The following UPK3A variants were observed in gnomAD, a reference collection of about 807,000 sequenced individuals.
The protein encoded by UPK3A is uroplakin 3A, also known as uroplakin-3a.
A neutral mutation model predicts 27.6 loss-of-function variants in UPK3A; 32 were observed. The observed-to-expected ratio is 1.16, with a 90% CI of 0.87 to 1.55. The LOEUF is 1.55. Ranked by LOEUF, UPK3A falls within the 40% of genes most tolerant of loss-of-function variation. UPK3A has a pLI of 0.00. For synonymous variants in UPK3A, 171 were observed against 163.9 expected (o/e 1.04, Z -0.33); for missense variants, 370 against 367.9 (o/e 1.01, Z -0.05).
Position 45,285,919 on chromosome 22 carries a change from C to G in UPK3A, c.53-22C>G, listed in dbSNP as rs746798544. 9 of 1,613,428 alleles carry G rather than the reference C, an allele frequency of 5.6e-6. No homozygotes were observed. The East Asian group carries it at 1.3e-4, about 24-fold the overall frequency. On this transcript the variant is annotated intron_variant, in intron 1 of 5. Coordinates refer to ENST00000216211, the MANE Select transcript of UPK3A (RefSeq NM_006953.4). ...GGACAGTTCTGCCGGAGGTCAGTTC[C>G]CATCCTCACTGCCTCCTCCAGCTGT...
At chr22:45,288,597 T>A (rs1167313657) in intron 3 of UPK3A, among the ~76,000 whole-genome samples, 1 of 152,196 alleles carries the variant, frequency 6.6e-6, no homozygotes, top group East Asian at 1.9e-4. Flanking sequence ...CCTCCCAAAC[T>A]GTTGGGATTA....
In UPK3A at chr22:45,285,890, G is replaced by T. The variant is rs141446172; in HGVS notation, c.53-51G>T. The T allele has an allele frequency of 3.5e-4, 567 of 1,611,790 alleles. 5 individuals are homozygous for T. In the East Asian group the frequency reaches 0.01, roughly 29 times the overall value. ...TGCTCAGTAACTGCAAGCAGAGTGG[G>T]TGTGGACAGTTCTGCCGGAGGTCAG... On this transcript the variant is annotated intron_variant, in intron 1 of 5. Transcript: ENST00000216211.
chr22:45,293,321 C>A lies in UPK3A; in HGVS notation c.704+8C>A, dbSNP rs112177270. Reference sequence around the variant, plus strand: ...CATTGCCCTCAGCCTCGTGTAAGTACCTGCCTGCTGGGAGGGCTGGACCCC... The same window carrying A: ...CATTGCCCTCAGCCTCGTGTAAGTAACTGCCTGCTGGGAGGGCTGGACCCC... On this transcript the variant is annotated splice_region_variant and intron_variant, in intron 5 of 5. Transcript: ENST00000216211. 3.9e-4 allele frequency: 624 copies of A among 1,613,684 alleles called. 4 individuals are homozygous for A. The highest frequency in any genetic ancestry group is 2.0e-3 in the Middle Eastern group (12 of 6,062).
At chr22:45,288,074 C>A (rs2084132057) in intron 3 of UPK3A, among the ~76,000 whole-genome samples, 1 of 152,194 alleles carries the variant, frequency 6.6e-6, no homozygotes, top group Non-Finnish European at 1.5e-5. Context: ...AAGTCACCCA[C>A]CCAAACCCCT....
At chr22:45,293,100 G>A (rs1413546401) in intron 4 of UPK3A, 81 bp from the exon 5 acceptor site, 3 of 1,591,736 alleles carry the variant, frequency 1.9e-6, no homozygotes, top group East Asian at 4.6e-5. Flanking sequence ...AGCCAGGGCG[G>A]GGGAGACACC....
At chr22:45,289,479 A>G (rs1422941504) in intron 4 of UPK3A, among the ~76,000 whole-genome samples, 3 of 151,270 alleles carry the variant, frequency 2.0e-5, no homozygotes, top group Non-Finnish European at 4.4e-5. Flanking sequence ...TCGGGAGGCT[A>G]AGGCGGGAGA....
intron 4 of UPK3A, among the ~76,000 whole-genome samples, chr22:45,291,512 G>A (rs1279547373): frequency 3.3e-5 from 5 of 151,284 alleles, no homozygotes; most frequent in Non-Finnish European, 1.5e-5. Context: ...GTGAGAGTGT[G>A]TGTGTGAGTT....
chr22:45,287,996 C>T (rs994503777), intron 3 of UPK3A, among the ~76,000 whole-genome samples: 1 of 152,006 alleles, frequency 6.6e-6, no homozygotes, highest in African/African-American at 2.4e-5. Flanking sequence ...TGAACAAGGG[C>T]CCACATTTTC....
At position 45,295,837 on chromosome 22, in the gene UPK3A, G is replaced by A. The variant is rs2084191900; in HGVS notation, c.*118G>A. On this transcript the variant is annotated 3_prime_UTR_variant, in exon 6 of 6. Transcript: ENST00000216211. ...TGAAACAGGGCTTGTCCCTCCAACT[G>A]CAGGAAAACCCTTAATAAAATCTTC... 2.5e-6 allele frequency: 3 copies of A among 1,212,506 alleles called. No homozygotes were observed. Among genetic ancestry groups the A allele is most frequent in the Non-Finnish European group, 3.5e-6 (3 of 846,708 alleles). 75.1% of individuals were successfully genotyped at this position (1,212,506 alleles called of 1,614,324 possible). A position where few individuals can be genotyped will look rare whatever the true frequency, so the allele number is the denominator to read the frequency against.
chr22:45,289,009 G>T, intron 3 of UPK3A, 52 bp from the exon 4 acceptor site: 1 of 1,576,192 alleles, frequency 6.3e-7, no homozygotes. Flanking sequence ...GCCTCCCTGT[G>T]GGTGGGGCTC....
intron 3 of UPK3A, 137 bp downstream of exon 3, chr22:45,287,588 C>A: frequency 8.9e-7 from 1 of 1,119,398 alleles, no homozygotes; most frequent in Admixed American, 2.1e-5. Context: ...AGGCAGGCCA[C>A]GCTGAGCCTC....
At chr22:45,288,995 CA>C in intron 3 of UPK3A, 65 bp from the exon 4 acceptor site, 2 of 1,534,860 alleles carry the variant, frequency 1.3e-6, no homozygotes, top group Non-Finnish European at 9.0e-7. Flanking sequence ...TACATCCCCC[CA>C]CCGCCTCCCT....
In UPK3A at chr22:45,295,820, G is replaced by A; in HGVS notation, c.*101G>A. The A allele has an allele frequency of 1.4e-6, 2 of 1,426,740 alleles. No individual in the cohort carries two copies. Among genetic ancestry groups the A allele is most frequent in the Admixed American group, 1.8e-5 (1 of 56,080 alleles). The allele number at this position is 1,426,740 out of a possible 1,614,324, so 88.4% of individuals were successfully genotyped here. On this transcript the variant is annotated 3_prime_UTR_variant, in exon 6 of 6. Coordinates refer to ENST00000216211, the MANE Select transcript of UPK3A (RefSeq NM_006953.4). ...CCTGACTTCAGGGAAGGTGAAACAG[G>A]GCTTGTCCCTCCAACTGCAGGAAAA...
chr22:45,295,662 G>A lies in UPK3A; in HGVS notation c.807G>A (p.Val269=). The stretch of plus-strand genomic sequence containing the variant: ...CCTCGGAGTCTTCCTACACGTCCGT[G>A]AACCGGGGGCCGCCACTGGACAGGG... ...LGASESSYTS[V]NRGPPLDRAE... Residue 269 remains valine (V), a synonymous_variant, in exon 6 of 6, where the codon GTG becomes GTA. Coordinates refer to ENST00000216211, the MANE Select transcript of UPK3A (RefSeq NM_006953.4). 1 of 1,613,892 alleles carries A rather than the reference G, an allele frequency of 6.2e-7. No homozygotes were observed. Among genetic ancestry groups the A allele is most frequent in the Non-Finnish European group, 8.5e-7 (1 of 1,180,002 alleles).
Position 45,287,173 on chromosome 22 carries a change from C to A in UPK3A, c.210C>A (p.Ala70=), listed in dbSNP as rs1272485434. 6.2e-7 allele frequency: 1 copy of A among 1,614,104 alleles called. No individual in the cohort carries two copies. Among genetic ancestry groups the A allele is most frequent in the Admixed American group, 1.7e-5 (1 of 60,022 alleles). ...EVYLYVLVDS[A]ISRNASVQDS... ...TGACTCCCTGCACCGCCTCTGCAGC[C>A]ATTTCCAGGAATGCCTCAGTGCAAG... Residue 70 remains alanine (A), a splice_region_variant and synonymous_variant, in exon 3 of 6, where the codon GCC becomes GCA. Transcript: ENST00000216211.
chr22:45,285,053 C>CG lies in UPK3A; in HGVS notation c.42dup (p.Phe15ValfsTer36). The CG allele has an allele frequency of 6.5e-6, 10 of 1,536,312 alleles. No homozygotes were observed. Among genetic ancestry groups the CG allele is most frequent in the East Asian group, 2.4e-5 (1 of 41,072 alleles). Reference sequence around the variant, plus strand: ...GGCCCTGCTGGCCCTCGGCTGCCTGCGGTTCGGCTCGGGTAGGCGGTGAAG... The same window carrying CG: ...GGCCCTGCTGGCCCTCGGCTGCCTGCGGGTTCGGCTCGGGTAGGCGGTGAAG... On this transcript the variant is annotated frameshift_variant, in exon 1 of 6. Coordinates refer to ENST00000216211, the MANE Select transcript of UPK3A (RefSeq NM_006953.4). LOFTEE classifies it high-confidence loss of function.
In UPK3A at chr22:45,289,175, C is replaced by T. The variant is rs538390244; in HGVS notation, c.571+32C>T. 5 of 1,610,044 alleles carry T rather than the reference C, an allele frequency of 3.1e-6. 1 individual carries two copies. In the South Asian group the frequency reaches 4.4e-5, roughly 14 times the overall value. ...GGTGGGCAGTGGTGGTGGTGATGCT[C>T]AAGGGGACCCGAGAAGGCGGGGCCA... On this transcript the variant is annotated intron_variant, in intron 4 of 5. Transcript: ENST00000216211.
At position 45,290,828 on chromosome 22, in the gene UPK3A, C is replaced by T. The variant is rs1006781191; in HGVS notation, c.571+1685C>T. On this transcript the variant is annotated intron_variant, in intron 4 of 5. Transcript: ENST00000216211. The stretch of plus-strand genomic sequence containing the variant: ...GATCAGCAGTGGCATTAGAGTGTCA[C>T]GGGAGCGCGAACCCTGTTGTGAACT... 9.2e-5 allele frequency among the ~76,000 whole-genome samples: 14 copies of T among 152,246 alleles called. No homozygotes were observed. The South Asian group carries it at 1.2e-3, about 14-fold the overall frequency.
chr22:45,287,520 C>T (rs2084128092), intron 3 of UPK3A, 69 bp downstream of exon 3: 2 of 1,533,190 alleles, frequency 1.3e-6, no homozygotes, highest in Non-Finnish European at 1.8e-6. Context: ...AGAGCAGGGG[C>T]AAAGTAGGAG....
Sources: allele counts gnomAD v4.1 joint callset (sites outside exome capture counted in the v4.1 genomes callset), GRCh38; gene constraint gnomAD v4.1.1; transcripts MANE v1.5; gene names NCBI Gene and HGNC (gene_info 2026-07-23, HGNC 2026-07-21).